The following ITSN1 variants were observed in gnomAD, a reference collection of about 807,000 sequenced individuals.
ITSN1 encodes the protein intersectin-1.
A neutral mutation model predicts 239.8 loss-of-function variants in ITSN1; 58 were observed. That is an observed-to-expected ratio of 0.24 (90% CI 0.20 to 0.30). The LOEUF is 0.30. Ranked by LOEUF, ITSN1 falls within the 10% of genes least tolerant of loss-of-function variation. The pLI is 1.00. For synonymous variants in ITSN1, 780 were observed against 770.8 expected (o/e 1.01, Z -0.20); for missense variants, 1,558 against 2,103.3 (o/e 0.74, Z 5.07).
At chr21:33,757,886 T>TC (rs2147587866) in intron 8 of ITSN1, among the ~76,000 whole-genome samples, 1 of 152,272 alleles carries the variant, frequency 6.6e-6, no homozygotes, top group East Asian at 1.9e-4. Context: ...TTCTTTTCTT[T>TC]CTTTTTTTGA....
chr21:33,844,444 C>T (rs1432997016), intron 29 of ITSN1, among the ~76,000 whole-genome samples: 3 of 152,220 alleles, frequency 2.0e-5, no homozygotes, highest in Non-Finnish European at 2.9e-5. Context: ...TTTCTCATCA[C>T]GGCATTCTGT....
At chr21:33,816,548 A>T (rs945514801) in intron 22 of ITSN1, among the ~76,000 whole-genome samples, 1 of 152,244 alleles carries the variant, frequency 6.6e-6, no homozygotes, top group Non-Finnish European at 1.5e-5. Flanking sequence ...TCAAACCCAG[A>T]GTCCACATCC....
At chr21:33,678,967 T>C (rs983315665) in intron 1 of ITSN1, among the ~76,000 whole-genome samples, 2 of 152,220 alleles carry the variant, frequency 1.3e-5, no homozygotes, top group Non-Finnish European at 2.9e-5. Context: ...ATTGTTGATA[T>C]GGTTCTTGAT....
intron 11 of ITSN1, among the ~76,000 whole-genome samples, chr21:33,770,562 T>C (rs1201989459): frequency 1.3e-5 from 2 of 152,170 alleles, no homozygotes; most frequent in East Asian, 3.9e-4. Flanking sequence ...AAACTCCATA[T>C]CCATCACTCC....
intron 32 of ITSN1, among the ~76,000 whole-genome samples, chr21:33,866,401 G>T (rs1398575760): frequency 1.3e-5 from 2 of 152,076 alleles, no homozygotes; most frequent in Non-Finnish European, 2.9e-5. Flanking sequence ...CTCTTCCTAG[G>T]CCCGAGCAAG....
rs781182040 is a variant in ITSN1, at chr21:33,888,326, A to G, written c.*26A>G. On this transcript the variant is annotated 3_prime_UTR_variant, in exon 40 of 40. Coordinates refer to ENST00000381318, the MANE Select transcript of ITSN1 (RefSeq NM_003024.3). ...GCAGCGGGCTCAGGGTGTGCTCAGC[A>G]GGGTCCCAGCCCACGGCCACACATG... 1.3e-6 allele frequency: 2 copies of G among 1,597,778 alleles called. No homozygotes were observed. Among genetic ancestry groups the G allele is most frequent in the Non-Finnish European group, 1.7e-6 (2 of 1,170,960 alleles).
Position 33,899,511 on chromosome 21 carries a change from T to G in ITSN1, c.*11211T>G, listed in dbSNP as rs562584498. Reference sequence around the variant, plus strand: ...TGGAATTCTAAGAATTACTAGACACTATTATAAATTGTAGACTTACGTATT... The same window carrying G: ...TGGAATTCTAAGAATTACTAGACACGATTATAAATTGTAGACTTACGTATT... On this transcript the variant is annotated 3_prime_UTR_variant, in exon 40 of 40. Coordinates refer to ENST00000381318, the MANE Select transcript of ITSN1 (RefSeq NM_003024.3). The G allele has an allele frequency of 6.6e-6, 1 of 152,382 alleles. No individual in the cohort carries two copies. Among genetic ancestry groups the G allele is most frequent in the South Asian group, 2.1e-4 (1 of 4,832 alleles). The allele number at this position is 152,382 out of a possible 1,614,324, so 9.4% of individuals were successfully genotyped here. A position where few individuals can be genotyped will look rare whatever the true frequency, so the allele number is the denominator to read the frequency against.
At chr21:33,787,973 T>C (rs2070798851) in intron 16 of ITSN1, among the ~76,000 whole-genome samples, 1 of 152,196 alleles carries the variant, frequency 6.6e-6, no homozygotes, top group South Asian at 2.1e-4. Flanking sequence ...TGGTTGAGTT[T>C]TTTAGTTACA....
intron 4 of ITSN1, among the ~76,000 whole-genome samples, chr21:33,730,679 C>T (rs2066126028): frequency 6.6e-6 from 1 of 151,114 alleles, no homozygotes. Flanking sequence ...GGATTACAGG[C>T]GTGAGCCACC....
At chr21:33,706,651 G>T (rs965337746) in intron 1 of ITSN1, among the ~76,000 whole-genome samples, 1 of 152,212 alleles carries the variant, frequency 6.6e-6, no homozygotes, top group African/African-American at 2.4e-5. Flanking sequence ...TGTCATTCAG[G>T]ATTCCTATTC....
At chr21:33,816,193 C>CA (rs113561711) in intron 22 of ITSN1, among the ~76,000 whole-genome samples, 251 of 127,438 alleles carry the variant, frequency 2.0e-3, no homozygotes, top group Admixed American at 4.3e-3. Flanking sequence ...ACTGAGTTCT[C>CA]AAAAAAAAAA....
chr21:33,805,327 T>G lies in ITSN1; in HGVS notation c.2319+2883T>G, dbSNP rs2072330580. Reference sequence around the variant, plus strand: ...TGTTACTCTTATAACAATTTTTAACTCATTCTTTTCCTTTTCTTCTCCTGA... The same window carrying G: ...TGTTACTCTTATAACAATTTTTAACGCATTCTTTTCCTTTTCTTCTCCTGA... On this transcript the variant is annotated intron_variant, in intron 20 of 39. Transcript: ENST00000381318. 2.0e-5 allele frequency among the ~76,000 whole-genome samples: 3 copies of G among 152,366 alleles called. No homozygotes were observed. In the South Asian group the frequency reaches 6.2e-4, roughly 32 times the overall value.
chr21:33,649,004 C>G (rs2088251521), intron 1 of ITSN1, among the ~76,000 whole-genome samples: 1 of 152,082 alleles, frequency 6.6e-6, no homozygotes, highest in South Asian at 2.1e-4. Flanking sequence ...CTAAAGTACC[C>G]CTGCATGAAA....
At chr21:33,806,188 G>T (rs2072433497) in intron 20 of ITSN1, among the ~76,000 whole-genome samples, 1 of 151,980 alleles carries the variant, frequency 6.6e-6, no homozygotes, top group African/African-American at 2.4e-5. Context: ...TCCAGCCTGG[G>T]CAACAGAGTG....
chr21:33,660,216 G>A (rs1439604957), intron 1 of ITSN1, among the ~76,000 whole-genome samples: 1 of 152,040 alleles, frequency 6.6e-6, no homozygotes, highest in African/African-American at 2.4e-5. Flanking sequence ...CTCACATGTT[G>A]CCAAAATAAT....
intron 1 of ITSN1, among the ~76,000 whole-genome samples, chr21:33,663,674 C>T (rs1320987186): frequency 6.6e-6 from 1 of 152,158 alleles, no homozygotes; most frequent in Non-Finnish European, 1.5e-5. Context: ...ACGATCTCGG[C>T]TTACCGCAAC....
intron 1 of ITSN1, among the ~76,000 whole-genome samples, chr21:33,669,413 G>T (rs552544534): frequency 3.0e-4 from 45 of 150,824 alleles, no homozygotes; most frequent in Non-Finnish European, 4.9e-4. Flanking sequence ...ATGAAAAAGG[G>T]TCACTGTGCC....
chr21:33,645,950 A>T (rs954831257), intron 1 of ITSN1, among the ~76,000 whole-genome samples: 1 of 152,242 alleles, frequency 6.6e-6, no homozygotes, highest in Non-Finnish European at 1.5e-5. Context: ...TACACCTTTC[A>T]GAAGGCAGAG....
intron 29 of ITSN1, 117 bp downstream of exon 29, chr21:33,836,749 C>A: frequency 1.2e-6 from 1 of 862,254 alleles, no homozygotes; most frequent in South Asian, 1.7e-5. Flanking sequence ...ACCATTGCTG[C>A]ATTCGCAGTC....
Sources: gnomAD v4.1 joint callset for allele counts (sites outside exome capture counted in the v4.1 genomes callset) on GRCh38, gnomAD v4.1.1 for gene constraint, MANE v1.5 for transcripts, NCBI Gene and HGNC (gene_info 2026-07-23, HGNC 2026-07-21) for gene names.